OCRL: variants seen among roughly 807,000 people sequenced by gnomAD.
OCRL encodes inositol polyphosphate 5-phosphatase OCRL.
OCRL carries 8 observed loss-of-function variants against 78.9 expected under a neutral mutation model. That is an observed-to-expected ratio of 0.10 (90% CI 0.06 to 0.18). The LOEUF (loss-of-function observed/expected upper bound fraction) is 0.18. Among genes scored for constraint, OCRL ranks in the 10% least tolerant of loss-of-function variants. OCRL has a pLI of 1.00. For synonymous variants in OCRL, 240 were observed against 235.4 expected, an observed-to-expected ratio of 1.02 and a Z score of -0.18; for missense variants, 454 against 696.7, an observed-to-expected ratio of 0.65 and a Z score of 3.92.
rs766089729 is a variant in OCRL at position 129,576,544 on chromosome X, A to G, written c.2107A>G (p.Ile703Val). 1 of 1,185,167 alleles carries G rather than the reference A, an allele frequency of 8.4e-7. No individual in the cohort carries two copies. The highest frequency in any genetic ancestry group is 2.2e-5 in the Admixed American group (1 of 45,846). The stretch of plus-strand genomic sequence containing the variant: ...CCGAGAAGTTCCTGTTACCAAACTC[A>G]TAGACTTGGTAAGAACTGTCCCAAG... Reference protein sequence around the residue: ...PIREVPVTKLIDLEEDSFLEK... With the variant: ...PIREVPVTKLVDLEEDSFLEK... Residue 703 changes from isoleucine (I) to valine (V), a missense_variant, in exon 18 of 24, where the codon ATA (isoleucine) becomes GTA (valine). Around this residue, in one of 2 missense-constraint regions of OCRL, gnomAD observed 277 missense variants for 517.1 expected, o/e 0.54. Coordinates refer to ENST00000371113, the MANE Select transcript of OCRL (RefSeq NM_000276.4).
intron 18 of OCRL, 57 bp downstream of exon 18, chrX:129,576,609 G>A: frequency 1.1e-6 from 1 of 885,451 alleles, no homozygotes; most frequent in Admixed American, 2.3e-5. Flanking sequence ...CAATACTTAA[G>A]TGACGTCCTC....
At chrX:129,579,779 A>G (rs770947036) in intron 18 of OCRL, among the ~76,000 whole-genome samples, 8 of 112,457 alleles carry the variant, frequency 7.1e-5, no homozygotes, top group African/African-American at 2.6e-4. Context: ...CTGGATACAA[A>G]GTATTATGGA....
intron 18 of OCRL, among the ~76,000 whole-genome samples, chrX:129,582,936 T>C (rs1936464143): frequency 9.0e-6 from 1 of 111,546 alleles, no homozygotes. Flanking sequence ...TCCTTTTACC[T>C]AGCAGAACTA....
chrX:129,550,923 G>A (rs1935951148), intron 4 of OCRL, among the ~76,000 whole-genome samples: 1 of 104,257 alleles, frequency 9.6e-6, no homozygotes, highest in South Asian at 4.0e-4. Flanking sequence ...ATTATTGCTT[G>A]TTGATTTGAC....
intron 2 of OCRL, 70 bp downstream of exon 2, chrX:129,540,893 G>A (rs1935789304): frequency 1.9e-5 from 17 of 877,751 alleles, no homozygotes; most frequent in Admixed American, 1.3e-4. Flanking sequence ...ACCGCGACGG[G>A]TCACCCACTG....
intron 15 of OCRL, among the ~76,000 whole-genome samples, chrX:129,570,431 A>C (rs1179787518): frequency 8.9e-6 from 1 of 112,005 alleles, no homozygotes; most frequent in African/African-American, 3.3e-5. Flanking sequence ...TGAAGAGCAT[A>C]ATGGGATAGG....
At position 129,575,155 on chromosome X, in the gene OCRL, G is replaced by A; in HGVS notation, c.1618G>A (p.Glu540Lys). The change falls in exon 16 of 24, where the codon GAA (glutamate) becomes AAA (lysine). Residue 540 changes from glutamate (E) to lysine (K), a missense_variant. By Grantham distance (56) the Glu-to-Lys change is moderately conservative. Transcript: ENST00000371113. ...LFHIGVKVVD[E>K]RRYRKVFEDS... ...TTTCTTTCAGGTGAAGGTTGTGGAT[G>A]AACGAAGGTACCGGAAAGTCTTTGA... The A allele has an allele frequency of 8.3e-7, 1 of 1,203,280 alleles. No homozygotes were observed. Among genetic ancestry groups the A allele is most frequent in the Non-Finnish European group, 1.1e-6 (1 of 887,581 alleles).
At chrX:129,587,448 T>C (rs770575560) in intron 20 of OCRL, among the ~76,000 whole-genome samples, 2 of 111,503 alleles carry the variant, frequency 1.8e-5, no homozygotes, top group South Asian at 7.6e-4. Context: ...CTATGAGTCA[T>C]GTAGGCATTA....
At chrX:129,547,327 C>T (rs1935895569) in intron 3 of OCRL, among the ~76,000 whole-genome samples, 2 of 109,669 alleles carry the variant, frequency 1.8e-5, no homozygotes, top group African/African-American at 3.3e-5. Context: ...AGATTGAGAC[C>T]ATCCTGGCTA....
At chrX:129,547,703 G>A (rs757791672) in intron 3 of OCRL, among the ~76,000 whole-genome samples, 38 of 111,133 alleles carry the variant, frequency 3.4e-4, no homozygotes, top group African/African-American at 1.2e-3. Flanking sequence ...AAAGGAGTTA[G>A]TTCCTTGCCA....
At chrX:129,571,522 C>T (rs747824482) in intron 15 of OCRL, among the ~76,000 whole-genome samples, 7 of 108,933 alleles carry the variant, frequency 6.4e-5, no homozygotes, top group Non-Finnish European at 9.5e-5. Context: ...TTAGTAGAGA[C>T]GGGGTTTCAC....
chrX:129,564,596 T>C (rs933771925), intron 12 of OCRL, among the ~76,000 whole-genome samples: 1 of 110,892 alleles, frequency 9.0e-6, no homozygotes, highest in East Asian at 2.9e-4. Context: ...TTGGAAATCA[T>C]CATTCACAGT....
intron 15 of OCRL, 57 bp from the exon 16 acceptor site, chrX:129,575,083 C>G: frequency 1.2e-6 from 1 of 843,978 alleles, no homozygotes; most frequent in Non-Finnish European, 1.8e-6. Flanking sequence ...TAGATAATCT[C>G]CAAGGGAGAT....
chrX:129,566,638 G>A (rs1346322492), intron 13 of OCRL, among the ~76,000 whole-genome samples: 1 of 112,408 alleles, frequency 8.9e-6, no homozygotes, highest in African/African-American at 3.2e-5. Flanking sequence ...CGTTATGAGA[G>A]CCTTTTCAAC....
In OCRL at chrX:129,540,778, G is replaced by C. The variant is rs368472232; in HGVS notation, c.74G>C (p.Arg25Pro). Residue 25 changes from arginine to proline, a missense_variant, in exon 2 of 24, where the codon CGG (arginine) becomes CCG (proline). This residue lies in a region of OCRL where 177 missense variants were observed against 179.6 expected (regional missense o/e 0.99). Coordinates refer to ENST00000371113, the MANE Select transcript of OCRL (RefSeq NM_000276.4). ...GGTATGGAGATGAAGGGTCCTCTCC[G>C]GGAGCCCTGCGCCCTGACCCTAGCC... is the stretch of plus-strand genomic sequence containing the variant. ...VEGMEMKGPL[R>P]EPCALTLAQR... 7 of 1,208,458 alleles carry C rather than the reference G, an allele frequency of 5.8e-6. No individual in the cohort carries two copies. Among genetic ancestry groups the C allele is most frequent in the Non-Finnish European group, 7.8e-6 (7 of 894,058 alleles).
chrX:129,548,062 G>GC (rs1381590634), intron 3 of OCRL, among the ~76,000 whole-genome samples: 1 of 111,828 alleles, frequency 8.9e-6, no homozygotes, highest in Non-Finnish European at 1.9e-5. Context: ...GGTATACTCT[G>GC]CCCCCATGTG....
chrX:129,589,169 A>C, intron 22 of OCRL, 156 bp downstream of exon 22: 1 of 587,910 alleles, frequency 1.7e-6, no homozygotes, highest in Non-Finnish European at 2.8e-6. Flanking sequence ...GCTACCCTTA[A>C]ATTTTAGGTT....
chrX:129,587,187 C>A, intron 20 of OCRL, 69 bp downstream of exon 20: 1 of 677,516 alleles, frequency 1.5e-6, no homozygotes, highest in Non-Finnish European at 2.4e-6. Context: ...CACAACACCT[C>A]ACGTCAGCAT....
chrX:129,562,331 G>C, intron 10 of OCRL, 53 bp from the exon 11 acceptor site: 1 of 914,991 alleles, frequency 1.1e-6, no homozygotes, highest in South Asian at 2.0e-5. Flanking sequence ...CATTAGAAAT[G>C]TGGCAAAGAT....
Sources: gnomAD v4.1 joint callset for allele counts (sites outside exome capture counted in the v4.1 genomes callset) on GRCh38, gnomAD v4.1.1 for gene constraint, gnomAD v4.1.1 regional missense constraint, MANE v1.5 for transcripts, NCBI Gene and HGNC (gene_info 2026-07-23, HGNC 2026-07-21) for gene names.